TBC1D8: variants seen among roughly 807,000 people sequenced by gnomAD.
TBC1D8 encodes the protein TBC1 domain family member 8, also known as BUB2-like protein 1.
TBC1D8 carries 65 observed loss-of-function variants against 118.8 expected under a neutral mutation model. That is an observed-to-expected ratio of 0.55 (90% CI 0.45 to 0.67). The LOEUF is 0.67. Ranked by LOEUF, TBC1D8 falls within the 30% of genes least tolerant of loss-of-function variation. The pLI is 0.00. For synonymous variants in TBC1D8, 566 were observed against 595.8 expected (o/e 0.95, Z 0.73); for missense variants, 1,376 against 1,471.2 (o/e 0.94, Z 1.06).
At chr2:101,065,255 A>G (rs1264797713) in intron 2 of TBC1D8, among the ~76,000 whole-genome samples, 1 of 152,222 alleles carries the variant, frequency 6.6e-6, no homozygotes, top group African/African-American at 2.4e-5. Context: ...TTCTGTGTGT[A>G]TAGTTCAGAT....
At chr2:101,053,067 T>G (rs1442437603) in intron 4 of TBC1D8, among the ~76,000 whole-genome samples, 24 of 152,242 alleles carry the variant, frequency 1.6e-4, no homozygotes, top group Admixed American at 1.6e-3. Flanking sequence ...GACCACTGAC[T>G]TGCTGGGACC....
chr2:101,150,292 AC>A (rs1333078515), intron 1 of TBC1D8, among the ~76,000 whole-genome samples: 1 of 152,142 alleles, frequency 6.6e-6, no homozygotes, highest in African/African-American at 2.4e-5. Context: ...CAGGAACAAG[AC>A]AGGAGATCTA....
intron 8 of TBC1D8, among the ~76,000 whole-genome samples, chr2:101,036,536 T>A (rs1391586747): frequency 1.3e-5 from 2 of 152,152 alleles, no homozygotes; most frequent in Non-Finnish European, 2.9e-5. Flanking sequence ...AAGCTTTCTC[T>A]GGATGTTGCA....
chr2:101,099,085 G>A (rs556016895), intron 1 of TBC1D8, among the ~76,000 whole-genome samples: 1 of 151,626 alleles, frequency 6.6e-6, no homozygotes, highest in South Asian at 2.1e-4. Context: ...TCCAGAAGAT[G>A]GTTTTTTGAA....
intron 6 of TBC1D8, among the ~76,000 whole-genome samples, chr2:101,039,509 G>A (rs549963492): frequency 5.3e-5 from 8 of 152,212 alleles, no homozygotes; most frequent in Admixed American, 2.0e-4. Context: ...TGCTCAGTAC[G>A]TTTGTTATCA....
intron 7 of TBC1D8, 87 bp downstream of exon 7, chr2:101,038,374 A>C: frequency 7.0e-7 from 1 of 1,432,084 alleles, no homozygotes; most frequent in South Asian, 1.3e-5. Flanking sequence ...TCTCATCCCC[A>C]CATGGCTCTC....
At chr2:101,100,746 C>G (rs1676771814) in intron 1 of TBC1D8, among the ~76,000 whole-genome samples, 1 of 152,122 alleles carries the variant, frequency 6.6e-6, no homozygotes. Context: ...ACGTCTACAA[C>G]CATCTGATCT....
At chr2:101,054,929 G>A (rs1001138302) in intron 3 of TBC1D8, among the ~76,000 whole-genome samples, 10 of 151,362 alleles carry the variant, frequency 6.6e-5, no homozygotes, top group Non-Finnish European at 1.3e-4. Flanking sequence ...TGATCCACCT[G>A]CCTCAGCCTC....
chr2:101,058,246 G>T (rs1682552991), intron 3 of TBC1D8, among the ~76,000 whole-genome samples: 1 of 152,122 alleles, frequency 6.6e-6, no homozygotes, highest in South Asian at 2.1e-4. Flanking sequence ...CTGGACTTGG[G>T]ATGCCTTCCC....
At position 101,090,243 on chromosome 2, in the gene TBC1D8, C is replaced by G; in HGVS notation, c.249G>C (p.Leu83=). The stretch of plus-strand genomic sequence containing the variant: ...TGGCCCAGTAAACGTCTGATCCATT[C>G]AGTAACTCACCACATGCTATGGGAG... ...VYSPIACGEL[L]NGSDVYWAIA... The change falls in exon 2 of 20, where the codon CTG becomes CTC. Residue 83 remains leucine, a synonymous_variant. Transcript: ENST00000409318. 1 of 1,613,966 alleles carries G rather than the reference C, an allele frequency of 6.2e-7. No individual in the cohort carries two copies. Among genetic ancestry groups the G allele is most frequent in the Non-Finnish European group, 8.5e-7 (1 of 1,179,888 alleles).
intron 1 of TBC1D8, among the ~76,000 whole-genome samples, chr2:101,136,090 G>A (rs1043545728): frequency 6.6e-6 from 1 of 152,102 alleles, no homozygotes; most frequent in Non-Finnish European, 1.5e-5. Context: ...CTGGACTCAA[G>A]TGATCCGGCA....
Position 101,028,034 on chromosome 2 carries a change from C to T in TBC1D8, c.2451+14G>A, listed in dbSNP as rs62152952. 0.018 allele frequency: 29,221 copies of T among 1,612,764 alleles called. 358 individuals carry two copies. Among genetic ancestry groups the T allele is most frequent in the Non-Finnish European group, 0.022 (25,443 of 1,178,776 alleles). ...CAATACCGTGATCACCGGGGTGAGGCGTCTGCTACCCACCACGTTCTGCTT... is the reference window on the plus strand; with the variant it reads ...CAATACCGTGATCACCGGGGTGAGGTGTCTGCTACCCACCACGTTCTGCTT... On this transcript the variant is annotated intron_variant, in intron 14 of 19. Coordinates refer to ENST00000409318, the MANE Select transcript of TBC1D8 (RefSeq NM_001330348.2).
chr2:101,053,417 G>T (rs1217939480), intron 4 of TBC1D8, among the ~76,000 whole-genome samples: 3 of 152,142 alleles, frequency 2.0e-5, no homozygotes, highest in African/African-American at 4.8e-5. Flanking sequence ...TCCTCTCACT[G>T]GTTCAACTTG....
At chr2:101,062,638 G>C (rs1682815401) in intron 2 of TBC1D8, among the ~76,000 whole-genome samples, 1 of 152,106 alleles carries the variant, frequency 6.6e-6, no homozygotes, top group African/African-American at 2.4e-5. Context: ...AGCTATATTT[G>C]AATCATTATT....
chr2:101,104,844 T>C (rs957517459), intron 1 of TBC1D8, among the ~76,000 whole-genome samples: 1 of 151,828 alleles, frequency 6.6e-6, no homozygotes, highest in Non-Finnish European at 1.5e-5. Flanking sequence ...GATAAAACCG[T>C]CTCTACTAAA....
rs904240619 is a variant in TBC1D8, at chr2:101,131,509, G to A, written c.127+19618C>T. 4.2e-5 allele frequency among the ~76,000 whole-genome samples: 6 copies of A among 144,428 alleles called. No individual in the cohort carries two copies. In the East Asian group the frequency reaches 6.3e-4, roughly 15 times the overall value. The allele number at this position is 144,428 out of a possible 152,430, so 94.8% of individuals were successfully genotyped here. A position where few individuals can be genotyped will look rare whatever the true frequency, so the allele number is the denominator to read the frequency against. On this transcript the variant is annotated intron_variant, in intron 1 of 19. Coordinates refer to ENST00000409318, the MANE Select transcript of TBC1D8 (RefSeq NM_001330348.2). The stretch of plus-strand genomic sequence containing the variant: ...GCCTGGGCAACAAGAGCGAAACTCC[G>A]TTTCAAAAAAAAAACAAGGTTCTGG...
intron 17 of TBC1D8, among the ~76,000 whole-genome samples, chr2:101,020,538 C>T (rs1214430895): frequency 6.6e-6 from 1 of 152,142 alleles, no homozygotes; most frequent in African/African-American, 2.4e-5. Flanking sequence ...ACAATTTGCA[C>T]TCAAGTCATA....
chr2:101,109,153 G>C (rs1009727260), intron 1 of TBC1D8, among the ~76,000 whole-genome samples: 1 of 152,128 alleles, frequency 6.6e-6, no homozygotes, highest in African/African-American at 2.4e-5. Flanking sequence ...GTTGGGGTGG[G>C]GGAGTCGCAT....
intron 1 of TBC1D8, chr2:101,110,029 G>T: frequency 1.0e-6 from 1 of 985,014 alleles, no homozygotes; most frequent in Non-Finnish European, 1.2e-6. Flanking sequence ...GTCTCAGCGA[G>T]CACAACACTC....
Sources: gnomAD v4.1 joint callset for allele counts (sites outside exome capture counted in the v4.1 genomes callset) on GRCh38, gnomAD v4.1.1 for gene constraint, MANE v1.5 for transcripts, NCBI Gene and HGNC (gene_info 2026-07-23, HGNC 2026-07-21) for gene names.